ATP8A2: variants seen among roughly 807,000 people sequenced by gnomAD.
ATP8A2 encodes phospholipid-transporting ATPase IB.
Under a neutral mutation model 165.6 loss-of-function variants are expected in ATP8A2, and 100 were observed. That is an observed-to-expected ratio of 0.60 (90% CI 0.51 to 0.71). The LOEUF (loss-of-function observed/expected upper bound fraction) is 0.71. Among genes scored for constraint, ATP8A2 ranks in the 30% least tolerant of loss-of-function variants. The probability of loss-of-function intolerance (pLI) is 0.00; values close to 1 mark genes in which losing one functional copy is unlikely to be tolerated. For synonymous variants in ATP8A2, 543 were observed against 548.8 expected, an observed-to-expected ratio of 0.99 and a Z score of 0.15; for missense variants, 1,227 against 1,479.5, an observed-to-expected ratio of 0.83 and a Z score of 2.80.
intron 33 of ATP8A2, among the ~76,000 whole-genome samples, chr13:25,891,730 C>CTATA (rs1422588854): frequency 1.3e-5 from 2 of 152,126 alleles, no homozygotes; most frequent in African/African-American, 4.8e-5. Flanking sequence ...AGGGGATGCG[C>CTATA]TATAATTCCT....
chr13:25,718,952 G>C (rs538311713), intron 25 of ATP8A2, among the ~76,000 whole-genome samples: 2 of 152,154 alleles, frequency 1.3e-5, no homozygotes, highest in East Asian at 1.9e-4. Context: ...GAACATACGC[G>C]TGCATGTGGG....
chr13:25,492,344 C>T (rs1482629197), intron 2 of ATP8A2, among the ~76,000 whole-genome samples: 1 of 152,240 alleles, frequency 6.6e-6, no homozygotes, highest in Non-Finnish European at 1.5e-5. Flanking sequence ...GCATGAGTCA[C>T]CATGCCTGGC....
At chr13:25,681,511 T>C (rs1042599116) in intron 24 of ATP8A2, among the ~76,000 whole-genome samples, 2 of 152,162 alleles carry the variant, frequency 1.3e-5, no homozygotes, top group African/African-American at 4.8e-5. Context: ...GGTTAGGGCA[T>C]TGGTGCCTTT....
At chr13:25,821,672 C>A (rs189294858) in intron 27 of ATP8A2, among the ~76,000 whole-genome samples, 1 of 152,252 alleles carries the variant, frequency 6.6e-6, no homozygotes, top group East Asian at 1.9e-4. Context: ...AAACTTATTT[C>A]TTTAGTCTAG....
At position 25,558,964 on chromosome 13, in the gene ATP8A2, T is replaced by C. The variant is rs754096022; in HGVS notation, c.1264-9T>C. 1 of 1,568,198 alleles carries C rather than the reference T, an allele frequency of 6.4e-7. No homozygotes were observed. Among genetic ancestry groups the C allele is most frequent in the Admixed American group, 1.8e-5 (1 of 56,998 alleles). ...TCCTGATGTATATTTCTTTTATTCTTTGGTTTAGGTGAAATATCTCTTTTC... is the reference window on the plus strand; with the variant it reads ...TCCTGATGTATATTTCTTTTATTCTCTGGTTTAGGTGAAATATCTCTTTTC... On this transcript the variant is annotated splice_polypyrimidine_tract_variant and intron_variant, in intron 13 of 36. Coordinates refer to ENST00000381655, the MANE Select transcript of ATP8A2 (RefSeq NM_016529.6).
chr13:25,468,901 G>C, intron 1 of ATP8A2, 76 bp from the exon 2 acceptor site: 1 of 1,572,620 alleles, frequency 6.4e-7, no homozygotes, highest in African/African-American at 1.4e-5. Context: ...GCCCGCCCGC[G>C]GCCCGCGCTC....
chr13:25,456,542 A>C (rs1265336989), intron 1 of ATP8A2, among the ~76,000 whole-genome samples: 1 of 152,212 alleles, frequency 6.6e-6, no homozygotes, highest in African/African-American at 2.4e-5. Context: ...ACCCAACCCA[A>C]GAGTGTGCGA....
At chr13:25,553,223 T>C (rs1191626822) in intron 11 of ATP8A2, among the ~76,000 whole-genome samples, 1 of 147,422 alleles carries the variant, frequency 6.8e-6, no homozygotes, top group African/African-American at 2.5e-5. Flanking sequence ...CTCCTGGAGC[T>C]GATGCTGCCT....
chr13:25,422,696 A>G (rs896618531), intron 1 of ATP8A2, among the ~76,000 whole-genome samples: 4 of 152,218 alleles, frequency 2.6e-5, no homozygotes, highest in African/African-American at 9.6e-5. Flanking sequence ...GGGAATGTAC[A>G]TGCCATAGTG....
intron 2 of ATP8A2, among the ~76,000 whole-genome samples, chr13:25,523,017 C>T (rs2037718728): frequency 6.6e-6 from 1 of 151,562 alleles, no homozygotes; most frequent in Non-Finnish European, 1.5e-5. Flanking sequence ...CCTAGTTACT[C>T]TGGAGGCTGA....
intron 24 of ATP8A2, among the ~76,000 whole-genome samples, chr13:25,592,719 C>T (rs55876340): frequency 0.057 from 8,635 of 152,160 alleles, 367 homozygotes; most frequent in Non-Finnish European, 0.078. Context: ...CTGTTTTCCC[C>T]TTATATCAGA....
At chr13:25,924,648 G>GA (rs1954548202) in intron 33 of ATP8A2, among the ~76,000 whole-genome samples, 1 of 151,488 alleles carries the variant, frequency 6.6e-6, no homozygotes, top group African/African-American at 2.4e-5. Flanking sequence ...TGATTGGGGG[G>GA]GAATACTTAA....
chr13:25,487,441 C>A (rs2036387115), intron 2 of ATP8A2, among the ~76,000 whole-genome samples: 1 of 152,176 alleles, frequency 6.6e-6, no homozygotes, highest in Non-Finnish European at 1.5e-5. Context: ...TTTGTTGTCA[C>A]CCTCATGCAA....
chr13:25,396,754 T>C (rs961281818), intron 1 of ATP8A2, among the ~76,000 whole-genome samples: 3 of 152,228 alleles, frequency 2.0e-5, no homozygotes, highest in Non-Finnish European at 1.5e-5. Flanking sequence ...CTAGCAAGTA[T>C]GCATTTCCTT....
At chr13:25,592,321 A>C (rs576728673) in intron 24 of ATP8A2, among the ~76,000 whole-genome samples, 22 of 151,758 alleles carry the variant, frequency 1.4e-4, no homozygotes, top group South Asian at 1.0e-3. Context: ...CTCCACCTTC[A>C]AGACCTTGCT....
intron 33 of ATP8A2, among the ~76,000 whole-genome samples, chr13:25,880,205 G>A (rs986896076): frequency 6.6e-6 from 1 of 152,162 alleles, no homozygotes; most frequent in Non-Finnish European, 1.5e-5. Context: ...AGTGTCTAAA[G>A]CAATTTGAAT....
rs2038820868 is a variant in ATP8A2, at chr13:25,551,446, G to A, written c.1000G>A (p.Gly334Arg). Residue 334 changes from glycine to arginine, a missense_variant, in exon 11 of 37, where the codon GGG (glycine) becomes AGG (arginine). By Grantham distance (125) the Gly-to-Arg change is moderately radical. Coordinates refer to ENST00000381655, the MANE Select transcript of ATP8A2 (RefSeq NM_016529.6). The stretch of plus-strand genomic sequence containing the variant: ...GGTCATGGCCTTGGTGAGCTCGGCG[G>A]GGGCCCTGTACTGGAACAGGTCTCA... ...LLVMALVSSA[G>R]ALYWNRSHGE... 3 of 1,614,012 alleles carry A rather than the reference G, an allele frequency of 1.9e-6. No homozygotes were observed. The African/African-American group carries it at 4.0e-5, about 22-fold the overall frequency.
chr13:25,572,551 A>G lies in ATP8A2; in HGVS notation c.1662+859A>G, dbSNP rs945649048. 3.9e-5 allele frequency among the ~76,000 whole-genome samples: 6 copies of G among 152,294 alleles called. No homozygotes were observed. In the East Asian group the frequency reaches 1.2e-3, roughly 29 times the overall value. On this transcript the variant is annotated intron_variant, in intron 18 of 36. Coordinates refer to ENST00000381655, the MANE Select transcript of ATP8A2 (RefSeq NM_016529.6). ...ACAGGCCAAAGGGAGAAATTTAGTGATAGGAAAATAATTATATCAAATAGG... is the reference window on the plus strand; with the variant it reads ...ACAGGCCAAAGGGAGAAATTTAGTGGTAGGAAAATAATTATATCAAATAGG...
chr13:25,451,743 A>G (rs2035229632), intron 1 of ATP8A2, among the ~76,000 whole-genome samples: 1 of 152,042 alleles, frequency 6.6e-6, no homozygotes, highest in Non-Finnish European at 1.5e-5. Flanking sequence ...GTGAAAAGTC[A>G]CCCCAGACCA....
Sources: allele counts gnomAD v4.1 joint callset (sites outside exome capture counted in the v4.1 genomes callset), GRCh38; gene constraint gnomAD v4.1.1; transcripts MANE v1.5; gene names NCBI Gene and HGNC (gene_info 2026-07-23, HGNC 2026-07-21).